ELAVL2: variants seen among roughly 807,000 people sequenced by gnomAD.
The protein encoded by ELAVL2 is ELAV like RNA binding protein 2.
Under a neutral mutation model 34.6 loss-of-function variants are expected in ELAVL2, and 4 were observed. The observed-to-expected ratio is 0.12, with a 90% CI of 0.06 to 0.26. The LOEUF is 0.26. Ranked by LOEUF, ELAVL2 falls within the 10% of genes least tolerant of loss-of-function variation. ELAVL2 has a pLI of 1.00. For missense variants in ELAVL2, 432 were observed against 442.8 expected (o/e 0.98, Z 0.22); for synonymous variants, 193 against 154.8 (o/e 1.25, Z -1.83).
chr9:23,803,662 A>T (rs1052903747), intron 1 of ELAVL2, among the ~76,000 whole-genome samples: 2 of 151,618 alleles, frequency 1.3e-5, no homozygotes, highest in Admixed American at 6.6e-5. Flanking sequence ...CTAGAAACCC[A>T]CCCATGTTCC....
intron 2 of ELAVL2, among the ~76,000 whole-genome samples, chr9:23,738,404 T>C (rs964082654): frequency 9.2e-5 from 14 of 152,172 alleles, no homozygotes; most frequent in African/African-American, 3.4e-4. Context: ...GTTAAACAGG[T>C]CTTCCTTGCT....
chr9:23,760,813 G>A (rs62541662), intron 2 of ELAVL2, among the ~76,000 whole-genome samples: 182 of 152,028 alleles, frequency 1.2e-3, no homozygotes, highest in Non-Finnish European at 2.3e-3. Flanking sequence ...TTGTCTCTGT[G>A]AATCTCAATC....
chr9:23,737,921 CA>C lies in ELAVL2; in HGVS notation c.230-6797del, dbSNP rs201034344. Among the ~76,000 whole-genome samples the C allele has an allele frequency of 1.0e-3, 159 of 151,602 alleles. 2 individuals carry two copies. In the East Asian group the frequency reaches 0.027, roughly 26 times the overall value. On this transcript the variant is annotated intron_variant, in intron 2 of 6. Transcript: ENST00000397312. Reference sequence around the variant, plus strand: ...TGCATAAAACTGCATGCCTTAACGACAAAAAAAAGCAAATAATTTGATTTGC... The same window carrying C: ...TGCATAAAACTGCATGCCTTAACGACAAAAAAAGCAAATAATTTGATTTGC...
At chr9:23,769,790 G>A (rs2056971282) in intron 1 of ELAVL2, among the ~76,000 whole-genome samples, 2 of 152,240 alleles carry the variant, frequency 1.3e-5, no homozygotes, top group South Asian at 4.1e-4. Context: ...AAACACTAAC[G>A]TTTTTCTGTC....
At chr9:23,734,833 A>T (rs10966052) in intron 2 of ELAVL2, among the ~76,000 whole-genome samples, 1 of 151,838 alleles carries the variant, frequency 6.6e-6, no homozygotes, top group Non-Finnish European at 1.5e-5. Flanking sequence ...AAAAAAAAAT[A>T]CCTTACCTAC....
At chr9:23,746,300 A>C (rs1482820590) in intron 2 of ELAVL2, among the ~76,000 whole-genome samples, 2 of 152,194 alleles carry the variant, frequency 1.3e-5, no homozygotes, top group Non-Finnish European at 2.9e-5. Context: ...ATACAAAATT[A>C]ATAAGCTTAC....
intron 1 of ELAVL2, among the ~76,000 whole-genome samples, chr9:23,783,745 G>T (rs10966081): frequency 6.6e-6 from 1 of 151,800 alleles, no homozygotes; most frequent in East Asian, 1.9e-4. Flanking sequence ...AACACAGGAC[G>T]CAATCTGGTA....
chr9:23,839,721 T>C, the ELAVL2 span, among the ~76,000 whole-genome samples: 1 of 152,174 alleles, frequency 6.6e-6, no homozygotes. Flanking sequence ...TAATAGGTAG[T>C]TTATAGCAGC....
intron 2 of ELAVL2, among the ~76,000 whole-genome samples, chr9:23,746,721 T>C (rs1272139835): frequency 1.3e-5 from 2 of 151,704 alleles, no homozygotes; most frequent in African/African-American, 4.8e-5. Context: ...AGAAAGAGAA[T>C]TCCCCAATAC....
At chr9:23,849,656 C>G in the ELAVL2 span, 1 of 152,486 alleles carries the variant, frequency 6.6e-6, no homozygotes, top group East Asian at 1.9e-4. Flanking sequence ...AACTCCCACC[C>G]ACTTTAAATG....
intron 3 of ELAVL2, among the ~76,000 whole-genome samples, chr9:23,720,011 G>C (rs1011850977): frequency 8.6e-5 from 13 of 151,750 alleles, no homozygotes; most frequent in African/African-American, 2.9e-4. Flanking sequence ...ATTTTAAGTA[G>C]AGACGTGGTT....
At chr9:23,809,461 A>T (rs2062682522) in intron 1 of ELAVL2, among the ~76,000 whole-genome samples, 1 of 152,204 alleles carries the variant, frequency 6.6e-6, no homozygotes, top group African/African-American at 2.4e-5. Context: ...CAAAAGTAAT[A>T]TAAAAATTGC....
At position 23,787,564 on chromosome 9, in the gene ELAVL2, T is replaced by TA. The variant is rs199690803; in HGVS notation, c.-15-25316dup. Among the ~76,000 whole-genome samples, 258 of 144,740 alleles carry TA rather than the reference T, an allele frequency of 1.8e-3. 1 individual carries two copies. Among genetic ancestry groups the TA allele is most frequent in the Non-Finnish European group, 2.3e-3 (154 of 66,382 alleles). The allele number at this position is 144,740 out of a possible 152,430, so 95.0% of individuals were successfully genotyped here. On this transcript the variant is annotated intron_variant, in intron 1 of 6. Coordinates refer to ENST00000397312, the MANE Select transcript of ELAVL2 (RefSeq NM_004432.5). Reference sequence around the variant, plus strand: ...TATTTTTCAAATGAGGAAATAGGCTTAAAAAAACAAAAAAAAAAGATTAAC... The same window carrying TA: ...TATTTTTCAAATGAGGAAATAGGCTTAAAAAAAACAAAAAAAAAAGATTAAC...
chr9:23,786,022 T>C (rs1414308604), intron 1 of ELAVL2, among the ~76,000 whole-genome samples: 6 of 152,220 alleles, frequency 3.9e-5, no homozygotes, highest in Non-Finnish European at 5.9e-5. Flanking sequence ...TGCTACATTC[T>C]ATTTTGTACT....
At chr9:23,772,191 T>C (rs2057413099) in intron 1 of ELAVL2, among the ~76,000 whole-genome samples, 1 of 152,106 alleles carries the variant, frequency 6.6e-6, no homozygotes, top group Admixed American at 6.5e-5. Flanking sequence ...CCCCTCAGGG[T>C]AGTACAAATT....
chr9:23,846,813 C>T, the ELAVL2 span, among the ~76,000 whole-genome samples: 3 of 152,032 alleles, frequency 2.0e-5, no homozygotes, highest in African/African-American at 7.2e-5. Context: ...CAGGCAATCC[C>T]TACCCTCAGA....
Position 23,762,140 on chromosome 9 carries a change from C to T in ELAVL2, c.95G>A (p.Gly32Glu). Residue 32 changes from glycine (G) to glutamate (E), a missense_variant, in exon 2 of 7, where the codon GGG (glycine) becomes GAG (glutamate). Coordinates refer to ENST00000397312, the MANE Select transcript of ELAVL2 (RefSeq NM_004432.5). ...GTTGGTCTTGCTGTCTTCTGTGTTC[C>T]CAGAGTCAACTGGTGACGAACAGTT... ...NNNCSSPVDS[G>E]NTEDSKTNLI... is the part of the protein sequence containing the mutation. 1 of 1,613,526 alleles carries T rather than the reference C, an allele frequency of 6.2e-7. No individual in the cohort carries two copies. Among genetic ancestry groups the T allele is most frequent in the Non-Finnish European group, 8.5e-7 (1 of 1,179,588 alleles).
At chr9:23,846,592 C>T in the ELAVL2 span, among the ~76,000 whole-genome samples, 1 of 151,908 alleles carries the variant, frequency 6.6e-6, no homozygotes, top group Non-Finnish European at 1.5e-5. Context: ...TTTTAAAATA[C>T]TTTTGTCACT....
rs182813448 is a variant in ELAVL2 at position 23,691,316 on chromosome 9, G to C, written c.*1241C>G. On this transcript the variant is annotated 3_prime_UTR_variant, in exon 7 of 7. Transcript: ENST00000397312. Reference sequence around the variant, plus strand: ...CAAGGTCTTATTTACATTACACAAAGCTCAGGTGTTAGCCTTGAACGTAAC... The same window carrying C: ...CAAGGTCTTATTTACATTACACAAACCTCAGGTGTTAGCCTTGAACGTAAC... The C allele has an allele frequency of 6.5e-6, 1 of 152,674 alleles. No individual in the cohort carries two copies. The highest frequency in any genetic ancestry group is 6.5e-5 in the Admixed American group (1 of 15,284). The allele number at this position is 152,674 out of a possible 1,614,324, so 9.5% of individuals were successfully genotyped here.
Sources: allele counts gnomAD v4.1 joint callset (sites outside exome capture counted in the v4.1 genomes callset), GRCh38; gene constraint gnomAD v4.1.1; transcripts MANE v1.5; gene names NCBI Gene and HGNC (gene_info 2026-07-23, HGNC 2026-07-21).